Variants in FGF12 observed in about 807,000 individuals in gnomAD.
FGF12 encodes the protein fibroblast growth factor 12B.
Under a neutral mutation model 23.6 loss-of-function variants are expected in FGF12, and 14 were observed. That is an observed-to-expected ratio of 0.59 (90% confidence interval 0.39 to 0.93). The LOEUF (loss-of-function observed/expected upper bound fraction) is 0.93. Ranked by LOEUF, FGF12 falls within the 40% of genes least tolerant of loss-of-function variation. The pLI, the probability that FGF12 is intolerant of heterozygous loss-of-function variation, is 0.00. For synonymous variants in FGF12, 62 were observed against 77.3 expected (o/e 0.80, Z 1.04); for missense variants, 175 against 217.8 (o/e 0.80, Z 1.24).
chr3:192,140,975 C>T lies in FGF12; in HGVS notation c.*3034G>A, dbSNP rs1405606140. The T allele has an allele frequency of 6.6e-6, 1 of 151,516 alleles. No homozygotes were observed. Among genetic ancestry groups the T allele is most frequent in the African/African-American group, 2.4e-5 (1 of 41,264 alleles). The allele number at this position is 151,516 out of a possible 1,614,324, so 9.4% of individuals were successfully genotyped here. A position where few individuals can be genotyped will look rare whatever the true frequency, so the allele number is the denominator to read the frequency against. On this transcript the variant is annotated 3_prime_UTR_variant, in exon 6 of 6. Transcript: ENST00000445105. ...CCAGAAAGCTATTTTGTGAGACTCT[C>T]AAAAGTTTTGTTTTCATTCTTAAGC...
chr3:192,658,434 T>A (rs1454395631), intron 2 of FGF12, among the ~76,000 whole-genome samples: 1 of 152,230 alleles, frequency 6.6e-6, no homozygotes, highest in Non-Finnish European at 1.5e-5. Context: ...GCAGTTTTAT[T>A]ACTTCTGCCA....
chr3:192,610,962 A>G lies in FGF12; in HGVS notation c.13+116219T>C, dbSNP rs114078370. Among the ~76,000 whole-genome samples, 575 of 152,058 alleles carry G rather than the reference A, an allele frequency of 3.8e-3. 5 individuals carry two copies. The highest frequency in any genetic ancestry group is 6.8e-3 in the Middle Eastern group (2 of 294). On this transcript the variant is annotated intron_variant, in intron 2 of 5. Coordinates refer to ENST00000445105, the MANE Select transcript of FGF12 (RefSeq NM_004113.6). ...AATTGCAGCCTCATTTATACTCCCT[A>G]TAACCGTTTCTGTTTTACTTTCCTC...
chr3:192,716,390 G>A (rs1033942093), intron 2 of FGF12, among the ~76,000 whole-genome samples: 2 of 151,908 alleles, frequency 1.3e-5, no homozygotes, highest in African/African-American at 4.8e-5. Flanking sequence ...GCCAGATAAT[G>A]GGAAAAAAAT....
chr3:192,266,748 C>A (rs76567566), intron 4 of FGF12, among the ~76,000 whole-genome samples: 4,147 of 151,864 alleles, frequency 0.027, 137 homozygotes, highest in African/African-American at 0.084. Context: ...ACCCGAATGG[C>A]TTTATTAACC....
chr3:192,222,231 A>G (rs796835619), intron 4 of FGF12, among the ~76,000 whole-genome samples: 18 of 152,274 alleles, frequency 1.2e-4, no homozygotes, highest in African/African-American at 4.1e-4. Context: ...CAGGTTTCTT[A>G]TTCTCTTAGG....
At chr3:192,526,746 AATAGTT>A (rs1397533445) in intron 2 of FGF12, among the ~76,000 whole-genome samples, 1 of 152,236 alleles carries the variant, frequency 6.6e-6, no homozygotes, top group Non-Finnish European at 1.5e-5. Flanking sequence ...CGAGTTGCAG[AATAGTT>A]ATATGATTCT....
At chr3:192,658,612 G>A (rs972346383) in intron 2 of FGF12, among the ~76,000 whole-genome samples, 37 of 152,018 alleles carry the variant, frequency 2.4e-4, no homozygotes, top group Non-Finnish European at 1.2e-4. Flanking sequence ...AGGTTAGCTT[G>A]AGAATAAATA....
intron 2 of FGF12, among the ~76,000 whole-genome samples, chr3:192,500,191 T>A: frequency 6.6e-6 from 1 of 152,166 alleles, no homozygotes; most frequent in African/African-American, 2.4e-5. Context: ...AGATCTGAAG[T>A]CACTGGACAA....
intron 2 of FGF12, among the ~76,000 whole-genome samples, chr3:192,418,022 A>G (rs999687123): frequency 6.6e-6 from 1 of 152,116 alleles, no homozygotes; most frequent in Non-Finnish European, 1.5e-5. Flanking sequence ...CAGGAACTGC[A>G]CAGGAAAACA....
At chr3:192,241,398 T>C (rs1719610548) in intron 4 of FGF12, among the ~76,000 whole-genome samples, 1 of 152,138 alleles carries the variant, frequency 6.6e-6, no homozygotes, top group Non-Finnish European at 1.5e-5. Context: ...TGAATATAAA[T>C]GTATTTAATA....
At chr3:192,345,462 C>T (rs1361846529) in intron 3 of FGF12, among the ~76,000 whole-genome samples, 2 of 43,054 alleles carry the variant, frequency 4.6e-5, no homozygotes, top group Non-Finnish European at 6.9e-5. Context: ...CCGAGGCGGG[C>T]GGATCACGAG....
chr3:192,148,830 G>T (rs901258090), intron 5 of FGF12, among the ~76,000 whole-genome samples: 2 of 152,166 alleles, frequency 1.3e-5, no homozygotes, highest in Non-Finnish European at 2.9e-5. Context: ...AAAGGATAGA[G>T]AAATCTGATG....
chr3:192,392,828 G>A (rs1334691406), intron 2 of FGF12, among the ~76,000 whole-genome samples: 3 of 152,198 alleles, frequency 2.0e-5, no homozygotes, highest in Non-Finnish European at 4.4e-5. Flanking sequence ...AATTGAAGAT[G>A]TAAATGAATG....
intron 4 of FGF12, among the ~76,000 whole-genome samples, chr3:192,307,375 T>C (rs185110060): frequency 1.3e-5 from 2 of 152,322 alleles, no homozygotes; most frequent in Admixed American, 6.5e-5. Flanking sequence ...AATGAAGTTC[T>C]AATATCAGAG....
chr3:192,294,986 T>C (rs545308105), intron 4 of FGF12, among the ~76,000 whole-genome samples: 3 of 152,236 alleles, frequency 2.0e-5, no homozygotes, highest in East Asian at 1.9e-4. Context: ...CTCTAGCAGG[T>C]TAATTATCCT....
intron 4 of FGF12, among the ~76,000 whole-genome samples, chr3:192,233,831 C>T (rs1250437630): frequency 6.6e-6 from 1 of 152,080 alleles, no homozygotes; most frequent in Non-Finnish European, 1.5e-5. Flanking sequence ...TAATGGGCAG[C>T]TTTGTCAAAG....
chr3:192,156,269 A>G (rs1208900229), intron 5 of FGF12, among the ~76,000 whole-genome samples: 1 of 152,210 alleles, frequency 6.6e-6, no homozygotes, highest in East Asian at 1.9e-4. Flanking sequence ...TGTTCCACAA[A>G]AACTCAGATT....
chr3:192,447,463 A>C (rs1722388702), intron 2 of FGF12, among the ~76,000 whole-genome samples: 1 of 152,172 alleles, frequency 6.6e-6, no homozygotes, highest in Admixed American at 6.5e-5. Context: ...ATCTGAAAAA[A>C]CTTAGTGAAG....
At chr3:192,471,387 T>C (rs1723169841) in intron 2 of FGF12, among the ~76,000 whole-genome samples, 1 of 152,194 alleles carries the variant, frequency 6.6e-6, no homozygotes, top group African/African-American at 2.4e-5. Context: ...ATAATACTAA[T>C]AGAGAAATTT....
Sources: allele counts gnomAD v4.1 joint callset (sites outside exome capture counted in the v4.1 genomes callset), GRCh38; gene constraint gnomAD v4.1.1; transcripts MANE v1.5; gene names NCBI Gene and HGNC (gene_info 2026-07-23, HGNC 2026-07-21).